The following QSOX1 variants were observed in gnomAD, a reference collection of about 807,000 sequenced individuals.
The protein encoded by QSOX1 is quiescin sulfhydryl oxidase 1.
A neutral mutation model predicts 76.1 loss-of-function variants in QSOX1; 40 were observed. That is an observed-to-expected ratio of 0.53 (90% confidence interval 0.41 to 0.68). QSOX1 has a LOEUF of 0.68. Among genes scored for constraint, QSOX1 ranks in the 30% least tolerant of loss-of-function variants. The pLI is 0.00. For missense variants in QSOX1, 931 were observed against 974.3 expected (o/e 0.96, Z 0.59); for synonymous variants, 392 against 413.1 (o/e 0.95, Z 0.62).
In QSOX1 at chr1:180,196,689, G is replaced by T. The variant is rs374263010; in HGVS notation, c.1896G>T (p.Glu632Asp). The change falls in exon 12 of 12, where the codon GAG (glutamate) becomes GAT (aspartate). Residue 632 changes from glutamate to aspartate, a missense_variant. Physicochemically the swap from Glu to Asp is conservative, Grantham distance 45. Transcript: ENST00000367602. The surrounding 1 kb of genome is among the most constrained non-coding windows in gnomAD (Gnocchi z 4.1). ...PEHMAELQRN[E>D]QEQPLGQWHL... Reference sequence around the variant, plus strand: ...ACATGGCAGAGCTTCAGAGGAATGAGCAGGAGCAGCCGCTTGGGCAGTGGC... The same window carrying T: ...ACATGGCAGAGCTTCAGAGGAATGATCAGGAGCAGCCGCTTGGGCAGTGGC... 8.1e-6 allele frequency: 13 copies of T among 1,613,980 alleles called. No individual in the cohort carries two copies. The African/African-American group carries it at 1.3e-4, about 17-fold the overall frequency.
intron 8 of QSOX1, among the ~76,000 whole-genome samples, chr1:180,187,396 A>G (rs973233276): frequency 1.3e-5 from 2 of 152,130 alleles, no homozygotes; most frequent in Admixed American, 1.3e-4. Flanking sequence ...CTTAGAGGGG[A>G]AAAATCCAGA....
At chr1:180,170,445 G>A (rs144691957) in intron 2 of QSOX1, among the ~76,000 whole-genome samples, 3 of 152,262 alleles carry the variant, frequency 2.0e-5, no homozygotes, top group East Asian at 1.9e-4. Context: ...GAATGCCATC[G>A]GTGTCACCCC....
In QSOX1 at chr1:180,154,982, C is replaced by T. The variant is rs940036288; in HGVS notation, c.75C>T (p.Pro25=). 1 of 1,507,782 alleles carries T rather than the reference C, an allele frequency of 6.6e-7. No individual in the cohort carries two copies. 93.4% of individuals were successfully genotyped at this position (1,507,782 alleles called of 1,614,324 possible). A position where few individuals can be genotyped will look rare whatever the true frequency, so the allele number is the denominator to read the frequency against. ...TGCTGCTGTGGCTGCTCGCGGTTCCCGGCGCTAACGCGGCCCCGCGGTCGG... is the reference window on the plus strand; with the variant it reads ...TGCTGCTGTGGCTGCTCGCGGTTCCTGGCGCTAACGCGGCCCCGCGGTCGG... ...LLLLLWLLAV[P]GANAAPRSAL... is the part of the protein sequence containing the mutation. Residue 25 remains proline, a synonymous_variant, in exon 1 of 12, where the codon CCC becomes CCT. Transcript: ENST00000367602.
In QSOX1 at chr1:180,155,073, G is replaced by C. The variant is rs1433633382; in HGVS notation, c.166G>C (p.Gly56Arg). The C allele has an allele frequency of 1.3e-6, 2 of 1,520,228 alleles. No individual in the cohort carries two copies. Among genetic ancestry groups the C allele is most frequent in the Non-Finnish European group, 1.8e-6 (2 of 1,140,398 alleles). 94.2% of individuals were successfully genotyped at this position (1,520,228 alleles called of 1,614,324 possible). The stretch of plus-strand genomic sequence containing the variant: ...GGACACGGTGCGCGGCGCGGTGCTG[G>C]GCTCCCGCAGCGCCTGGGCCGTGGA... The part of the protein sequence containing the change: ...QADTVRGAVL[G>R]SRSAWAVEFF... Residue 56 changes from glycine to arginine, a missense_variant, in exon 1 of 12, where the codon GGC (glycine) becomes CGC (arginine). By Grantham distance (125) the Gly-to-Arg change is moderately radical. Coordinates refer to ENST00000367602, the MANE Select transcript of QSOX1 (RefSeq NM_002826.5).
At chr1:180,194,693 C>T (rs986098045) in intron 11 of QSOX1, among the ~76,000 whole-genome samples, 1 of 152,220 alleles carries the variant, frequency 6.6e-6, no homozygotes, top group Non-Finnish European at 1.5e-5. Flanking sequence ...TGGCTGTTGG[C>T]CCCTTACTCA....
chr1:180,183,781 A>G, intron 6 of QSOX1, 135 bp from the exon 7 acceptor site: 1 of 1,042,352 alleles, frequency 9.6e-7, no homozygotes, highest in Non-Finnish European at 1.4e-6. Flanking sequence ...ACAGAGGACA[A>G]GATGGAATCT....
chr1:180,169,901 G>A (rs1051703827), intron 2 of QSOX1, among the ~76,000 whole-genome samples: 3 of 152,250 alleles, frequency 2.0e-5, no homozygotes, highest in African/African-American at 7.2e-5. Flanking sequence ...ACTGGTCAGA[G>A]AGGAGTGTGT....
chr1:180,170,554 T>C (rs997260497), intron 2 of QSOX1, among the ~76,000 whole-genome samples: 1 of 152,078 alleles, frequency 6.6e-6, no homozygotes, highest in African/African-American at 2.4e-5. Flanking sequence ...TTTCTGCCAT[T>C]AGGGAGCAGC....
chr1:180,155,730 G>T (rs1396341390), intron 1 of QSOX1, among the ~76,000 whole-genome samples: 3 of 152,174 alleles, frequency 2.0e-5, no homozygotes, highest in Non-Finnish European at 4.4e-5. Context: ...TCTTTGATGT[G>T]GGTATGTCCA....
chr1:180,175,298 C>T, intron 2 of QSOX1, 23 bp from the exon 3 acceptor site: 1 of 1,613,558 alleles, frequency 6.2e-7, no homozygotes, highest in Non-Finnish European at 8.5e-7. Flanking sequence ...ATTACTGATG[C>T]CCACCTGTGT....
At chr1:180,183,573 C>T (rs1303187010) in intron 6 of QSOX1, among the ~76,000 whole-genome samples, 3 of 152,166 alleles carry the variant, frequency 2.0e-5, no homozygotes, top group Non-Finnish European at 2.9e-5. Flanking sequence ...CACACTCCGC[C>T]GTTCCTGTCT....
At chr1:180,171,110 A>C (rs532447422) in intron 2 of QSOX1, among the ~76,000 whole-genome samples, 36 of 152,318 alleles carry the variant, frequency 2.4e-4, no homozygotes, top group African/African-American at 8.4e-4. Context: ...GTGCCTTAGA[A>C]AACTAACCTT....
intron 10 of QSOX1, among the ~76,000 whole-genome samples, chr1:180,191,114 A>T (rs1663298335): frequency 6.6e-6 from 1 of 152,180 alleles, no homozygotes; most frequent in African/African-American, 2.4e-5. Flanking sequence ...ACGCTGCCCC[A>T]CACCTGCTTT....
intron 7 of QSOX1, 26 bp downstream of exon 7, chr1:180,184,076 C>T: frequency 6.2e-7 from 1 of 1,611,540 alleles, no homozygotes; most frequent in Non-Finnish European, 8.5e-7. Flanking sequence ...GTTCTCCTCA[C>T]TTCTTCTCCT....
chr1:180,181,924 A>G (rs948655671), intron 5 of QSOX1, among the ~76,000 whole-genome samples: 1 of 152,244 alleles, frequency 6.6e-6, no homozygotes, highest in Non-Finnish European at 1.5e-5. Flanking sequence ...GTAAGAAATT[A>G]AAGCGTGTGT....
intron 7 of QSOX1, 146 bp from the exon 8 acceptor site, chr1:180,185,907 C>A: frequency 1.0e-6 from 1 of 970,424 alleles, no homozygotes; most frequent in Non-Finnish European, 1.6e-6. Context: ...CAGCACATTT[C>A]TGGCAGAAGC....
At chr1:180,186,834 G>A (rs541482176) in intron 8 of QSOX1, among the ~76,000 whole-genome samples, 3 of 152,224 alleles carry the variant, frequency 2.0e-5, no homozygotes, top group Non-Finnish European at 2.9e-5. Flanking sequence ...CAGCCTGAAA[G>A]TGTTGTGGTC....
intron 2 of QSOX1, among the ~76,000 whole-genome samples, chr1:180,167,204 G>A (rs773363145): frequency 1.2e-4 from 19 of 152,206 alleles, no homozygotes; most frequent in Non-Finnish European, 2.5e-4. Context: ...ATAGCCCAGG[G>A]CAGCAAGGCT....
At chr1:180,171,560 A>T (rs1192861379) in intron 2 of QSOX1, among the ~76,000 whole-genome samples, 1 of 152,226 alleles carries the variant, frequency 6.6e-6, no homozygotes, top group Non-Finnish European at 1.5e-5. Context: ...GGACAAAGTC[A>T]TTGGCTTTGG....
Sources: allele counts gnomAD v4.1 joint callset (sites outside exome capture counted in the v4.1 genomes callset), GRCh38; gene constraint gnomAD v4.1.1; non-coding constraint Gnocchi (gnomAD v3.1); transcripts MANE v1.5; gene names NCBI Gene and HGNC (gene_info 2026-07-23, HGNC 2026-07-21).